The following NRP2 variants were observed in gnomAD, a reference collection of about 807,000 sequenced individuals.
The protein encoded by NRP2 is neuropilin 2, also known as neuropilin-2.
A neutral mutation model predicts 110.4 loss-of-function variants in NRP2; 52 were observed. That is an observed-to-expected ratio of 0.47 (90% CI 0.38 to 0.59). NRP2 has a LOEUF of 0.59. NRP2 is among the 20% of genes least tolerant of loss of function. NRP2 has a pLI of 0.00. For missense variants in NRP2, 1,049 were observed against 1,203.0 expected, an observed-to-expected ratio of 0.87 and a Z score of 1.89; for synonymous variants, 508 against 468.9, an observed-to-expected ratio of 1.08 and a Z score of -1.08.
chr2:205,777,103 G>C, intron 15 of NRP2: 5 of 988,312 alleles, frequency 5.1e-6, no homozygotes, highest in Non-Finnish European at 6.0e-6. Flanking sequence ...ATAATATACT[G>C]TACAAGTTTT....
rs1480564672 is a variant in NRP2, at chr2:205,797,601, G to A, written c.*2543G>A. On this transcript the variant is annotated 3_prime_UTR_variant, in exon 17 of 17. Transcript: ENST00000357785. Reference sequence around the variant, plus strand: ...GGCTACATGTAGATACCACACCAAGGCTGGAGGCTGGTCTGTCATAAGACA... The same window carrying A: ...GGCTACATGTAGATACCACACCAAGACTGGAGGCTGGTCTGTCATAAGACA... The A allele has an allele frequency of 1.3e-5, 2 of 152,620 alleles. No homozygotes were observed. The highest frequency in any genetic ancestry group is 4.8e-5 in the African/African-American group (2 of 41,428). 9.5% of individuals were successfully genotyped at this position (152,620 alleles called of 1,614,324 possible). A position where few individuals can be genotyped will look rare whatever the true frequency, so the allele number is the denominator to read the frequency against.
chr2:205,729,771 C>G (rs2057200817), intron 7 of NRP2, among the ~76,000 whole-genome samples: 1 of 152,194 alleles, frequency 6.6e-6, no homozygotes, highest in Non-Finnish European at 1.5e-5. Flanking sequence ...CTGGCTTTAT[C>G]CCTGGTATTC....
chr2:205,737,055 G>A (rs754458679), intron 7 of NRP2, among the ~76,000 whole-genome samples: 4 of 152,210 alleles, frequency 2.6e-5, no homozygotes, highest in Admixed American at 6.5e-5. Flanking sequence ...TTCATAAATT[G>A]CACTTTGATA....
intron 15 of NRP2, among the ~76,000 whole-genome samples, chr2:205,775,602 T>A (rs192411238): frequency 7.2e-5 from 11 of 152,344 alleles, no homozygotes; most frequent in African/African-American, 2.6e-4. Context: ...ACAGTGGTGA[T>A]TGACCTGTCT....
In NRP2 at chr2:205,738,868, C is replaced by T. The variant is rs190805428; in HGVS notation, c.1147-1651C>T. ...GTTTAAACTGAATATGGTGGACCAG[C>T]GAAAATCTGCTTCCCTGTTTGTCTT... is the stretch of plus-strand genomic sequence containing the variant. On this transcript the variant is annotated intron_variant, in intron 7 of 16. Coordinates refer to ENST00000357785, the MANE Select transcript of NRP2 (RefSeq NM_003872.3). 2.5e-3 allele frequency among the ~76,000 whole-genome samples: 382 copies of T among 152,284 alleles called. 3 individuals carry two copies. Among genetic ancestry groups the T allele is most frequent in the African/African-American group, 8.8e-3 (365 of 41,558 alleles).
chr2:205,701,971 T>C (rs2056569371), intron 2 of NRP2, among the ~76,000 whole-genome samples: 1 of 152,236 alleles, frequency 6.6e-6, no homozygotes, highest in African/African-American at 2.4e-5. Context: ...TTGCCATAAT[T>C]GGAACAGGCA....
At position 205,746,764 on chromosome 2, in the gene NRP2, C is replaced by T. The variant is rs890428710; in HGVS notation, c.1786+874C>T. Among the ~76,000 whole-genome samples, 13 of 152,324 alleles carry T rather than the reference C, an allele frequency of 8.5e-5. No homozygotes were observed. The East Asian group carries it at 1.4e-3, about 16-fold the overall frequency. ...GTGCCGTACCTGTCACGGGCTCAGC[C>T]GGCAGGATGGCATGAGGGATTAATA... On this transcript the variant is annotated intron_variant, in intron 10 of 16. Transcript: ENST00000357785.
At chr2:205,745,650 A>G (rs2057524340) in intron 9 of NRP2, 96 bp from the exon 10 acceptor site, 2 of 1,436,712 alleles carry the variant, frequency 1.4e-6, no homozygotes, top group Non-Finnish European at 1.9e-6. Flanking sequence ...TCCTAGCAGG[A>G]CGTGCGGGGC....
chr2:205,781,568 C>A (rs2058174464), intron 15 of NRP2, among the ~76,000 whole-genome samples: 1 of 152,230 alleles, frequency 6.6e-6, no homozygotes, highest in Admixed American at 6.5e-5. Context: ...TCTGTAATCT[C>A]TGATGAAAAG....
At position 205,794,863 on chromosome 2, in the gene NRP2, C is replaced by T. The variant is rs2105979809; in HGVS notation, c.2586C>T (p.Ile862=). ...SWLYTLDPIL[I]TIIAMSSLGV... ...TGTACACCCTGGATCCCATCCTCATCACCATCATCGCCATGAGCTCACTGG... is the reference window on the plus strand; with the variant it reads ...TGTACACCCTGGATCCCATCCTCATTACCATCATCGCCATGAGCTCACTGG... The change falls in exon 17 of 17, where the codon ATC becomes ATT. Residue 862 remains isoleucine, a synonymous_variant. Transcript: ENST00000357785. The T allele has an allele frequency of 6.2e-7, 1 of 1,614,240 alleles. No homozygotes were observed. Among genetic ancestry groups the T allele is most frequent in the South Asian group, 1.1e-5 (1 of 91,092 alleles).
chr2:205,755,087 G>A (rs1163065020), intron 12 of NRP2, among the ~76,000 whole-genome samples: 1 of 152,114 alleles, frequency 6.6e-6, no homozygotes, highest in Non-Finnish European at 1.5e-5. Flanking sequence ...CTGGACCTCT[G>A]TTTCTTCACC....
At chr2:205,749,612 T>A (rs1404531849) in intron 10 of NRP2, 113 bp from the exon 11 acceptor site, 2 of 843,466 alleles carry the variant, frequency 2.4e-6, no homozygotes, top group Admixed American at 3.5e-5. Context: ...CAGAGTTCCG[T>A]GCACATGTGT....
At chr2:205,716,397 G>T (rs746644568) in intron 3 of NRP2, 23 bp downstream of exon 3, 2 of 1,612,554 alleles carry the variant, frequency 1.2e-6, no homozygotes, top group Admixed American at 3.3e-5. Context: ...ACACGTAGGG[G>T]CCGGGAGATG....
At chr2:205,724,589 A>T (rs950585771) in intron 5 of NRP2, among the ~76,000 whole-genome samples, 3 of 151,428 alleles carry the variant, frequency 2.0e-5, no homozygotes, top group African/African-American at 4.9e-5. Flanking sequence ...ACATCTTCAA[A>T]TCAGCTGCTC....
rs771283284 is a variant in NRP2 at position 205,795,034 on chromosome 2, C to A, written c.2757C>A (p.His919Gln). ...DGLKHKVKMN[H>Q]QKCCSEA ...TTAAGCACAAGGTCAAGATGAACCACCAAAAGTGCTGCTCCGAGGCATGAC... is the reference window on the plus strand; with the variant it reads ...TTAAGCACAAGGTCAAGATGAACCAACAAAAGTGCTGCTCCGAGGCATGAC... Residue 919 changes from histidine to glutamine, a missense_variant, in exon 17 of 17, where the codon CAC becomes CAA. His to Gln is a conservative substitution (Grantham distance 24). Transcript: ENST00000357785. The A allele has an allele frequency of 3.1e-6, 5 of 1,614,126 alleles. No individual in the cohort carries two copies. Among genetic ancestry groups the A allele is most frequent in the Admixed American group, 1.7e-5 (1 of 60,012 alleles).
chr2:205,789,942 G>GT (rs1439194792), intron 15 of NRP2, among the ~76,000 whole-genome samples: 1 of 152,184 alleles, frequency 6.6e-6, no homozygotes, highest in South Asian at 2.1e-4. Flanking sequence ...AAAGTAAATG[G>GT]TTTTTTGTAC....
chr2:205,752,609 T>C, intron 11 of NRP2: 2 of 560,464 alleles, frequency 3.6e-6, no homozygotes, highest in East Asian at 3.2e-5. Context: ...AATTGCTTAC[T>C]ATGGGAACCA....
At chr2:205,792,349 A>C (rs909701599) in intron 16 of NRP2, 64 bp downstream of exon 16, 2 of 1,169,712 alleles carry the variant, frequency 1.7e-6, no homozygotes, top group African/African-American at 3.0e-5. Flanking sequence ...AGGTGTCAAC[A>C]AAAATAATGC....
In NRP2 at chr2:205,752,753, A is replaced by G. The variant is rs1246171176; in HGVS notation, c.1904-82A>G. 2.7e-6 allele frequency: 4 copies of G among 1,476,094 alleles called. No homozygotes were observed. In the African/African-American group the frequency reaches 5.5e-5, roughly 20 times the overall value. 91.4% of individuals were successfully genotyped at this position (1,476,094 alleles called of 1,614,324 possible). A position where few individuals can be genotyped will look rare whatever the true frequency, so the allele number is the denominator to read the frequency against. On this transcript the variant is annotated intron_variant, in intron 11 of 16. Coordinates refer to ENST00000357785, the MANE Select transcript of NRP2 (RefSeq NM_003872.3). Reference sequence around the variant, plus strand: ...CTCTGCTCTCCACTCAGGCCTTGCCAGCCATTTAAATAGTACCACTGTGGC... The same window carrying G: ...CTCTGCTCTCCACTCAGGCCTTGCCGGCCATTTAAATAGTACCACTGTGGC...
Sources: allele counts gnomAD v4.1 joint callset (sites outside exome capture counted in the v4.1 genomes callset), GRCh38; gene constraint gnomAD v4.1.1; transcripts MANE v1.5; gene names NCBI Gene and HGNC (gene_info 2026-07-23, HGNC 2026-07-21).